The following USP14 variants were observed in gnomAD, a reference collection of about 807,000 sequenced individuals.
USP14 encodes ubiquitin carboxyl-terminal hydrolase 14.
In USP14, 38 loss-of-function variants were observed where a neutral mutation model predicts 76.5. That is an observed-to-expected ratio of 0.50 (90% confidence interval 0.38 to 0.65). The LOEUF (loss-of-function observed/expected upper bound fraction) is 0.65, where lower values mean the gene tolerates loss of function less well. Ranked by LOEUF, USP14 falls within the 30% of genes least tolerant of loss-of-function variation. The pLI, the probability that USP14 is intolerant of heterozygous loss-of-function variation, is 0.00. For missense variants in USP14, 467 were observed against 586.5 expected (o/e 0.80, Z 2.10); for synonymous variants, 192 against 191.7 (o/e 1.00, Z -0.01).
intron 14 of USP14, 142 bp downstream of exon 14, chr18:210,173 T>C (rs1910632115): frequency 1.3e-6 from 1 of 761,838 alleles, no homozygotes; most frequent in South Asian, 2.0e-5. Flanking sequence ...CTTAATGACA[T>C]ATAGTAAATT....
At chr18:207,225 A>G (rs1910555033) in intron 13 of USP14, among the ~76,000 whole-genome samples, 1 of 144,928 alleles carries the variant, frequency 6.9e-6, no homozygotes, top group Non-Finnish European at 1.6e-5. Flanking sequence ...GTAGTTTTCT[A>G]ATAAGGCTTG....
chr18:179,586 C>CT (rs535535588), intron 4 of USP14, among the ~76,000 whole-genome samples: 9,178 of 113,964 alleles, frequency 0.081, 523 homozygotes, highest in South Asian at 0.13. Context: ...TTTTTTTTTG[C>CT]TTTTTTTTTT....
chr18:203,012 A>T (rs1372121068), intron 11 of USP14, 67 bp downstream of exon 11: 11 of 1,604,362 alleles, frequency 6.9e-6, no homozygotes, highest in Non-Finnish European at 9.4e-6. Flanking sequence ...AATTAATTTT[A>T]TCCAGTCTTA....
At position 212,652 on chromosome 18, in the gene USP14, A is replaced by G. The variant is rs1598282575; in HGVS notation, c.*1368A>G. The G allele has an allele frequency of 6.6e-6, 1 of 152,148 alleles. No individual in the cohort carries two copies. The highest frequency in any genetic ancestry group is 1.5e-5 in the Non-Finnish European group (1 of 68,018). The allele number at this position is 152,148 out of a possible 1,614,324, so 9.4% of individuals were successfully genotyped here. A position where few individuals can be genotyped will look rare whatever the true frequency, so the allele number is the denominator to read the frequency against. On this transcript the variant is annotated 3_prime_UTR_variant, in exon 16 of 16. Transcript: ENST00000261601. ...ATCTTAATGTCTGTTTCAGAATTTT[A>G]GTGATTTTAAAGTGATAGTAGAAAA...
At chr18:180,160 G>A (rs1222659762) in intron 4 of USP14, 76 bp from the exon 5 acceptor site, 13 of 690,386 alleles carry the variant, frequency 1.9e-5, no homozygotes, top group Non-Finnish European at 2.5e-5. Flanking sequence ...GAGAATTTTA[G>A]TGATTTATAT....
Position 158,819 on chromosome 18 carries a change from G to A in USP14, c.16+105G>A, listed in dbSNP as rs1909028817. ...CACCCGGCATGGACTGGGAGGGGCC[G>A]GGGTGGGGTGCGCGGGGCCGGCGGC... On this transcript the variant is annotated intron_variant, in intron 1 of 15. Transcript: ENST00000261601. 6 of 1,264,468 alleles carry A rather than the reference G, an allele frequency of 4.7e-6. No homozygotes were observed. In the African/African-American group the frequency reaches 6.2e-5, roughly 13 times the overall value. 78.3% of individuals were successfully genotyped at this position (1,264,468 alleles called of 1,614,324 possible). A position where few individuals can be genotyped will look rare whatever the true frequency, so the allele number is the denominator to read the frequency against.
intron 2 of USP14, among the ~76,000 whole-genome samples, chr18:166,581 C>T (rs2073732292): frequency 6.6e-6 from 1 of 152,096 alleles, no homozygotes; most frequent in South Asian, 2.1e-4. Context: ...GATTTGCCTG[C>T]CTCAGCCTCC....
chr18:172,502 G>A (rs914589631), intron 3 of USP14, among the ~76,000 whole-genome samples: 3 of 152,168 alleles, frequency 2.0e-5, no homozygotes, highest in Non-Finnish European at 4.4e-5. Flanking sequence ...GTCCTACTGT[G>A]GATAAAATGC....
At chr18:197,521 C>A in intron 7 of USP14, 95 bp from the exon 8 acceptor site, 1 of 935,546 alleles carries the variant, frequency 1.1e-6, no homozygotes, top group Non-Finnish European at 1.6e-6. Flanking sequence ...AAGAAGGAAA[C>A]CACTTTCTTG....
At chr18:196,239 C>CAG (rs1910231408) in intron 6 of USP14, among the ~76,000 whole-genome samples, 2 of 151,924 alleles carry the variant, frequency 1.3e-5, no homozygotes, top group South Asian at 4.2e-4. Flanking sequence ...TGTGTTCAAG[C>CAG]AGTTCTCCTG....
chr18:166,442 C>T (rs1909272533), intron 2 of USP14, among the ~76,000 whole-genome samples: 1 of 151,964 alleles, frequency 6.6e-6, no homozygotes, highest in Non-Finnish European at 1.5e-5. Context: ...AAGCAATTAT[C>T]TTGTCTCAGC....
chr18:198,067 G>A lies in USP14; in HGVS notation c.696G>A (p.Ser232=), dbSNP rs928003514. 18 of 1,609,316 alleles carry A rather than the reference G, an allele frequency of 1.1e-5. No homozygotes were observed. Among genetic ancestry groups the A allele is most frequent in the African/African-American group, 2.7e-5 (2 of 74,762 alleles). The change falls in exon 9 of 16, where the codon TCG becomes TCA. Residue 232 remains serine (S), a synonymous_variant. Coordinates refer to ENST00000261601, the MANE Select transcript of USP14 (RefSeq NM_005151.4). The stretch of plus-strand genomic sequence containing the variant: ...TGCAGACAGACTCCTCATCTGCATC[G>A]GCAGCGACACCTTCTAAAAAGAAAA... ...SVKETDSSSA[S]AATPSKKKSL... is the part of the protein sequence containing the mutation.
chr18:189,774 C>G (rs1206968672), intron 5 of USP14, among the ~76,000 whole-genome samples: 3 of 152,196 alleles, frequency 2.0e-5, no homozygotes, highest in Non-Finnish European at 4.4e-5. Context: ...GCCACCATGC[C>G]TGGCGCGTTT....
chr18:183,763 C>G (rs973854536), intron 5 of USP14, among the ~76,000 whole-genome samples: 35 of 142,264 alleles, frequency 2.5e-4, no homozygotes, highest in African/African-American at 8.3e-4. Context: ...TTTTTTTTTC[C>G]TTGTTGTTTG....
chr18:163,966 T>C (rs1190218402), intron 2 of USP14, among the ~76,000 whole-genome samples: 2 of 152,216 alleles, frequency 1.3e-5, no homozygotes, highest in African/African-American at 4.8e-5. Context: ...TTTCTGTTCC[T>C]GCATTAGTTT....
intron 3 of USP14, among the ~76,000 whole-genome samples, chr18:168,657 A>T (rs1175034137): frequency 1.3e-5 from 2 of 151,590 alleles, no homozygotes; most frequent in Non-Finnish European, 2.9e-5. Flanking sequence ...CTGGTCTCGA[A>T]CTCCTGACCT....
intron 7 of USP14, 50 bp from the exon 8 acceptor site, chr18:197,566 T>C: frequency 6.9e-7 from 1 of 1,444,962 alleles, no homozygotes; most frequent in Non-Finnish European, 9.6e-7. Context: ...AAGAACTTTG[T>C]AGATCATTCA....
intron 2 of USP14, among the ~76,000 whole-genome samples, chr18:163,835 A>G (rs1281299196): frequency 2.0e-5 from 3 of 146,536 alleles, no homozygotes; most frequent in Non-Finnish European, 4.5e-5. Flanking sequence ...TTTTTTTTAG[A>G]TCCTCTTCCT....
intron 4 of USP14, 26 bp from the exon 5 acceptor site, chr18:180,210 C>CT (rs1277811372): frequency 3.5e-6 from 4 of 1,126,944 alleles, no homozygotes; most frequent in South Asian, 1.5e-5. Context: ...ATGATTTAAT[C>CT]CTTTTTTTTT....
Sources: allele counts gnomAD v4.1 joint callset (sites outside exome capture counted in the v4.1 genomes callset), GRCh38; gene constraint gnomAD v4.1.1; transcripts MANE v1.5; gene names NCBI Gene and HGNC (gene_info 2026-07-23, HGNC 2026-07-21).